The following C9orf85 variants were observed in gnomAD, a reference collection of about 807,000 sequenced individuals.
The protein encoded by C9orf85 is chromosome 9 open reading frame 85.
Under a neutral mutation model 14.9 loss-of-function variants are expected in C9orf85, and 16 were observed. The observed-to-expected ratio is 1.08, with a 90% CI of 0.73 to 1.63. The LOEUF is 1.63. Among genes scored for constraint, C9orf85 ranks in the 40% most tolerant of loss-of-function variants. The probability of loss-of-function intolerance (pLI) is 0.00; values close to 1 mark genes in which losing one functional copy is unlikely to be tolerated. For missense variants in C9orf85, 172 were observed against 186.1 expected, an observed-to-expected ratio of 0.92 and a Z score of 0.44; for synonymous variants, 45 against 56.8, an observed-to-expected ratio of 0.79 and a Z score of 0.93.
chr9:71,964,111 G>C (rs948654004), intron 2 of C9orf85, among the ~76,000 whole-genome samples: 2 of 152,136 alleles, frequency 1.3e-5, no homozygotes, highest in Non-Finnish European at 2.9e-5. Flanking sequence ...AATCGACACT[G>C]TATCTAGCTA....
Position 71,911,715 on chromosome 9 carries a change from G to C in C9orf85, c.-20G>C. 6.2e-7 allele frequency: 1 copy of C among 1,610,622 alleles called. No individual in the cohort carries two copies. Among genetic ancestry groups the C allele is most frequent in the Non-Finnish European group, 8.5e-7 (1 of 1,176,792 alleles). ...CATCCTTTTGCCTGCTCCCGGCGAG[G>C]GGTGGCTTTGATTTCGGCGATGAGC... On this transcript the variant is annotated 5_prime_UTR_variant, in exon 1 of 4. Transcript: ENST00000334731.
intron 1 of C9orf85, among the ~76,000 whole-genome samples, chr9:71,940,959 C>A (rs1821913220): frequency 6.6e-6 from 1 of 152,142 alleles, no homozygotes; most frequent in Non-Finnish European, 1.5e-5. Flanking sequence ...ACTGTAGGAG[C>A]AGATTTGAAA....
chr9:71,921,484 C>A (rs998697845), intron 1 of C9orf85, among the ~76,000 whole-genome samples: 1 of 152,232 alleles, frequency 6.6e-6, no homozygotes, highest in African/African-American at 2.4e-5. Context: ...AAGGCTCCCC[C>A]ACCTCCCTTC....
chr9:71,979,036 GA>G (rs929503038), intron 3 of C9orf85, among the ~76,000 whole-genome samples: 18 of 144,292 alleles, frequency 1.2e-4, no homozygotes, highest in Admixed American at 1.2e-3. Flanking sequence ...TCCGTCTCAA[GA>G]AAAAAAAATG....
At chr9:71,933,935 T>C (rs1214932710) in intron 1 of C9orf85, among the ~76,000 whole-genome samples, 3 of 152,212 alleles carry the variant, frequency 2.0e-5, no homozygotes, top group Non-Finnish European at 4.4e-5. Context: ...AGAAAATATT[T>C]GAATCCACCT....
chr9:71,922,467 C>G (rs750395991), intron 1 of C9orf85, among the ~76,000 whole-genome samples: 2 of 152,160 alleles, frequency 1.3e-5, no homozygotes, highest in African/African-American at 4.8e-5. Context: ...CCTGGGAGCA[C>G]TGTTTCCCTG....
Position 71,947,108 on chromosome 9 carries a change from A to C in C9orf85, c.205A>C (p.Lys69Gln). 2 of 1,605,772 alleles carry C rather than the reference A, an allele frequency of 1.2e-6. No homozygotes were observed. Among genetic ancestry groups the C allele is most frequent in the Non-Finnish European group, 1.7e-6 (2 of 1,173,280 alleles). ...SKYKPLSKPK[K>Q]CVKCLQKTVK... Reference sequence around the variant, plus strand: ...ATACAAACCATTATCAAAACCTAAAAAGTGGTGAGTTAAGATTCTTCATTA... The same window carrying C: ...ATACAAACCATTATCAAAACCTAAACAGTGGTGAGTTAAGATTCTTCATTA... Residue 69 changes from lysine (K) to glutamine (Q), a missense_variant, in exon 2 of 4, where the codon AAG (lysine) becomes CAG (glutamine). Transcript: ENST00000334731.
In C9orf85 at chr9:71,911,887, C is replaced by T; in HGVS notation, c.102+51C>T. 3.9e-6 allele frequency: 6 copies of T among 1,519,580 alleles called. No homozygotes were observed. The South Asian group carries it at 6.7e-5, about 17-fold the overall frequency. The allele number at this position is 1,519,580 out of a possible 1,614,324, so 94.1% of individuals were successfully genotyped here. A position where few individuals can be genotyped will look rare whatever the true frequency, so the allele number is the denominator to read the frequency against. On this transcript the variant is annotated intron_variant, in intron 1 of 3. Transcript: ENST00000334731. ...TTTGACTCCAGGAAGGAATGGCTCACTGGAGAGGGGAGAGAGGAAATGAGA... is the reference window on the plus strand; with the variant it reads ...TTTGACTCCAGGAAGGAATGGCTCATTGGAGAGGGGAGAGAGGAAATGAGA...
chr9:71,952,726 C>T (rs1057050321), intron 2 of C9orf85, among the ~76,000 whole-genome samples: 1 of 151,966 alleles, frequency 6.6e-6, no homozygotes, highest in African/African-American at 2.4e-5. Context: ...GCTTTCAGGC[C>T]CTGAAATGCC....
downstream of C9orf85, among the ~76,000 whole-genome samples, chr9:71,973,734 A>G (rs1469626277): frequency 1.3e-5 from 2 of 152,064 alleles, no homozygotes; most frequent in Non-Finnish European, 2.9e-5. Flanking sequence ...GCTCTCCCTC[A>G]GCAAAAGTTC....
chr9:71,973,038 A>T lies in C9orf85; in HGVS notation c.*196A>T. 1 of 257,336 alleles carries T rather than the reference A, an allele frequency of 3.9e-6. No individual in the cohort carries two copies. The highest frequency in any genetic ancestry group is 7.6e-5 in the South Asian group (1 of 13,078). The allele number at this position is 257,336 out of a possible 1,614,324, so 15.9% of individuals were successfully genotyped here. Reference sequence around the variant, plus strand: ...CTCATGCCTGTAATCCCAGCTACTCAGGAGGCTGAGGCAGGAGGATTGCTT... The same window carrying T: ...CTCATGCCTGTAATCCCAGCTACTCTGGAGGCTGAGGCAGGAGGATTGCTT... On this transcript the variant is annotated 3_prime_UTR_variant, in exon 4 of 4. Transcript: ENST00000334731.
chr9:71,981,366 G>A (rs1175458045), intron 3 of C9orf85, among the ~76,000 whole-genome samples: 4 of 152,174 alleles, frequency 2.6e-5, no homozygotes, highest in South Asian at 2.1e-4. Context: ...CTTCTAGTCC[G>A]AAAAATAAAT....
At chr9:71,942,082 A>T (rs573058374) in intron 1 of C9orf85, 9 of 152,344 alleles carry the variant, frequency 5.9e-5, no homozygotes, top group African/African-American at 2.2e-4. Flanking sequence ...TTTATTGAAG[A>T]TGGCCTTATT....
intron 1 of C9orf85, among the ~76,000 whole-genome samples, chr9:71,939,338 G>A (rs185580022): frequency 0.018 from 2,658 of 149,766 alleles, 41 homozygotes; most frequent in Non-Finnish European, 0.028. Flanking sequence ...AAAGACATTG[G>A]AAAAAAAAAT....
chr9:71,941,641 A>T lies in C9orf85; in HGVS notation c.103-5365A>T, dbSNP rs1821931710. On this transcript the variant is annotated intron_variant, in intron 1 of 3. Transcript: ENST00000334731. ...ATTCATGTAATAGGGGAAAAAACAT[A>T]CATAGGTGAAAAGAGAGATAACAGA... Among the ~76,000 whole-genome samples, 3 of 152,224 alleles carry T rather than the reference A, an allele frequency of 2.0e-5. No homozygotes were observed. The South Asian group carries it at 6.2e-4, about 31-fold the overall frequency.
intron 1 of C9orf85, among the ~76,000 whole-genome samples, chr9:71,914,645 T>G (rs2132239856): frequency 6.6e-6 from 1 of 152,324 alleles, no homozygotes; most frequent in Middle Eastern, 3.4e-3. Context: ...ATGATAGCTT[T>G]CTTTATATGC....
intron 2 of C9orf85, among the ~76,000 whole-genome samples, chr9:71,964,534 G>A (rs530859994): frequency 8.3e-4 from 125 of 151,372 alleles, no homozygotes; most frequent in Middle Eastern, 3.4e-3. Flanking sequence ...GAGCTGTAAC[G>A]CTCACCGTGA....
At chr9:71,918,707 G>C (rs1010027266) in intron 1 of C9orf85, among the ~76,000 whole-genome samples, 1 of 152,166 alleles carries the variant, frequency 6.6e-6, no homozygotes, top group Non-Finnish European at 1.5e-5. Flanking sequence ...GATTTAGGCC[G>C]TGTGCTCCTT....
chr9:71,912,843 C>T (rs941685839), intron 1 of C9orf85, among the ~76,000 whole-genome samples: 9 of 152,254 alleles, frequency 5.9e-5, no homozygotes, highest in South Asian at 2.1e-4. Flanking sequence ...GAGATCACAT[C>T]ACTGCACTCC....
Sources: gnomAD v4.1 joint callset for allele counts (sites outside exome capture counted in the v4.1 genomes callset) on GRCh38, gnomAD v4.1.1 for gene constraint, MANE v1.5 for transcripts, NCBI Gene and HGNC (gene_info 2026-07-23, HGNC 2026-07-21) for gene names.